The following GPR158 variants were observed in gnomAD, a reference collection of about 807,000 sequenced individuals.
GPR158 encodes G protein-coupled receptor 158.
In GPR158, 30 loss-of-function variants were observed where a neutral mutation model predicts 78.2. The ratio of observed to expected loss-of-function variants is 0.38; its 90% CI spans 0.29 to 0.52. GPR158 has a LOEUF of 0.52. Among genes scored for constraint, GPR158 ranks in the 20% least tolerant of loss-of-function variants. The pLI is 0.83. For synonymous variants in GPR158, 581 were observed against 591.1 expected (o/e 0.98, Z 0.25); for missense variants, 1,463 against 1,523.5 (o/e 0.96, Z 0.66).
intron 2 of GPR158, among the ~76,000 whole-genome samples, chr10:25,368,926 G>A (rs1326020561): frequency 6.9e-6 from 1 of 144,124 alleles, no homozygotes; most frequent in Admixed American, 7.0e-5. Flanking sequence ...TATTCTCTTT[G>A]AAGCAATTGG....
At chr10:25,538,313 A>G (rs1836527465) in intron 5 of GPR158, among the ~76,000 whole-genome samples, 1 of 152,138 alleles carries the variant, frequency 6.6e-6, no homozygotes, top group Non-Finnish European at 1.5e-5. Flanking sequence ...AGTTCTAGGG[A>G]ACAGACATTC....
At chr10:25,440,663 CTT>C (rs1341101039) in intron 4 of GPR158, among the ~76,000 whole-genome samples, 1 of 152,092 alleles carries the variant, frequency 6.6e-6, no homozygotes, top group African/African-American at 2.4e-5. Context: ...AGTGAAATCT[CTT>C]ATTTATAAAG....
chr10:25,444,121 G>A (rs1308716339), intron 4 of GPR158, among the ~76,000 whole-genome samples: 2 of 150,618 alleles, frequency 1.3e-5, no homozygotes, highest in East Asian at 3.9e-4. Flanking sequence ...TCCCCTGGGG[G>A]GAAAAATTAC....
rs547707757 is a variant in GPR158 at position 25,601,632 on chromosome 10, A to G, written c.*2358A>G. 8 of 152,748 alleles carry G rather than the reference A, an allele frequency of 5.2e-5. No individual in the cohort carries two copies. Among genetic ancestry groups the G allele is most frequent in the Non-Finnish European group, 1.2e-4 (8 of 68,016 alleles). 9.5% of individuals were successfully genotyped at this position (152,748 alleles called of 1,614,324 possible). ...TATTCTCCACCAGCATAAATCAGTGAGAGTGCCTAGAGTCTTTCTGAGAGT... is the reference window on the plus strand; with the variant it reads ...TATTCTCCACCAGCATAAATCAGTGGGAGTGCCTAGAGTCTTTCTGAGAGT... On this transcript the variant is annotated 3_prime_UTR_variant, in exon 11 of 11. Transcript: ENST00000376351.
chr10:25,354,626 C>A (rs992523249), intron 2 of GPR158, among the ~76,000 whole-genome samples: 7 of 151,994 alleles, frequency 4.6e-5, no homozygotes, highest in Non-Finnish European at 1.0e-4. Flanking sequence ...GTATTCTTGG[C>A]TTATGCATGT....
chr10:25,374,591 A>G (rs1370553085), intron 2 of GPR158, among the ~76,000 whole-genome samples: 1 of 151,718 alleles, frequency 6.6e-6, no homozygotes, highest in Non-Finnish European at 1.5e-5. Context: ...CCTAACAACC[A>G]TTAATTTCTT....
chr10:25,262,766 G>A (rs1454905662), intron 2 of GPR158, among the ~76,000 whole-genome samples: 1 of 152,044 alleles, frequency 6.6e-6, no homozygotes, highest in Non-Finnish European at 1.5e-5. Flanking sequence ...TTCACACTTG[G>A]CATTGTACAT....
At chr10:25,326,170 G>T (rs113918957) in intron 2 of GPR158, among the ~76,000 whole-genome samples, 2,331 of 152,126 alleles carry the variant, frequency 0.015, 67 homozygotes, top group African/African-American at 0.053. Flanking sequence ...ATTGTTCAGC[G>T]ACCATTTATA....
At chr10:25,466,435 C>T (rs1304140139) in intron 4 of GPR158, 4 of 423,544 alleles carry the variant, frequency 9.4e-6, no homozygotes, top group Non-Finnish European at 1.7e-5. Flanking sequence ...CTCATGCAGC[C>T]ACTGGCGATA....
intron 5 of GPR158, among the ~76,000 whole-genome samples, chr10:25,492,745 CAT>C (rs1835826488): frequency 6.6e-6 from 1 of 151,922 alleles, no homozygotes; most frequent in South Asian, 2.1e-4. Context: ...AATGAAAACA[CAT>C]AGTGAACTCA....
At chr10:25,278,652 A>G (rs1021906618) in intron 2 of GPR158, among the ~76,000 whole-genome samples, 1 of 151,942 alleles carries the variant, frequency 6.6e-6, no homozygotes, top group Non-Finnish European at 1.5e-5. Flanking sequence ...AAGAGAAAAT[A>G]TTAAAAGTAG....
At chr10:25,351,712 T>TTC (rs981715238) in intron 2 of GPR158, among the ~76,000 whole-genome samples, 2 of 124,894 alleles carry the variant, frequency 1.6e-5, no homozygotes, top group African/African-American at 7.9e-5. Flanking sequence ...TTTTCTTTCT[T>TTC]TTTTTTTTTT....
At chr10:25,569,563 T>G (rs1386717005) in intron 6 of GPR158, among the ~76,000 whole-genome samples, 1 of 152,230 alleles carries the variant, frequency 6.6e-6, no homozygotes, top group Non-Finnish European at 1.5e-5. Context: ...GAAAACTCCC[T>G]AGGAGTTGCT....
intron 3 of GPR158, among the ~76,000 whole-genome samples, chr10:25,406,947 G>C (rs997757035): frequency 2.0e-5 from 3 of 152,116 alleles, no homozygotes; most frequent in Non-Finnish European, 4.4e-5. Context: ...TGTAGGTAAG[G>C]AATAAGACTA....
At chr10:25,322,312 C>T (rs545162822) in intron 2 of GPR158, among the ~76,000 whole-genome samples, 20 of 151,370 alleles carry the variant, frequency 1.3e-4, no homozygotes, top group Admixed American at 3.9e-4. Flanking sequence ...ACCCGGGAGG[C>T]GGAGCTTGCA....
At chr10:25,323,047 A>G (rs141019436) in intron 2 of GPR158, among the ~76,000 whole-genome samples, 2,344 of 152,032 alleles carry the variant, frequency 0.015, 69 homozygotes, top group African/African-American at 0.053. Context: ...GGGTTTCACT[A>G]TGTTAGCCAG....
In GPR158 at chr10:25,322,109, G is replaced by A. The variant is rs111912806; in HGVS notation, c.1009-73802G>A. 8.0e-3 allele frequency among the ~76,000 whole-genome samples: 1,212 copies of A among 152,190 alleles called. 14 individuals carry two copies. Among genetic ancestry groups the A allele is most frequent in the African/African-American group, 0.027 (1,126 of 41,540 alleles). ...TAGAAAATCACAGATACGGCCAGGC[G>A]CGGTGGCTCACGCCTGTAATCCAGC... On this transcript the variant is annotated intron_variant, in intron 2 of 10. Transcript: ENST00000376351.
rs553834247 is a variant in GPR158 at position 25,382,598 on chromosome 10, T to C, written c.1009-13313T>C. Among the ~76,000 whole-genome samples, 23 of 152,250 alleles carry C rather than the reference T, an allele frequency of 1.5e-4. No homozygotes were observed. The South Asian group carries it at 4.8e-3, about 32-fold the overall frequency. On this transcript the variant is annotated intron_variant, in intron 2 of 10. Transcript: ENST00000376351. ...TGCATTATTTGTTATTCATGGGTTCTTGTTTTCCTGGAAGGTGGTTTGGTA... is the reference window on the plus strand; with the variant it reads ...TGCATTATTTGTTATTCATGGGTTCCTGTTTTCCTGGAAGGTGGTTTGGTA...
intron 2 of GPR158, among the ~76,000 whole-genome samples, chr10:25,371,332 C>T (rs1461882774): frequency 1.3e-5 from 2 of 151,750 alleles, no homozygotes; most frequent in African/African-American, 4.8e-5. Flanking sequence ...ATGTTTAGCG[C>T]TTCCTTCAGG....
Sources: gnomAD v4.1 joint callset for allele counts (sites outside exome capture counted in the v4.1 genomes callset) on GRCh38, gnomAD v4.1.1 for gene constraint, MANE v1.5 for transcripts, NCBI Gene and HGNC (gene_info 2026-07-23, HGNC 2026-07-21) for gene names.